Variants in PFKFB2 observed in about 807,000 individuals in gnomAD.
PFKFB2 encodes the protein 6-phosphofructo-2-kinase/fructose-2,6-bisphosphatase 2.
In PFKFB2, 53 loss-of-function variants were observed where a neutral mutation model predicts 68.0. The ratio of observed to expected loss-of-function variants is 0.78; its 90% CI spans 0.63 to 0.98. PFKFB2 has a LOEUF of 0.98. Ranked by LOEUF, PFKFB2 falls within the 50% of genes least tolerant of loss-of-function variation. PFKFB2 has a pLI of 0.00. For missense variants in PFKFB2, 451 were observed against 642.0 expected, an observed-to-expected ratio of 0.70 and a Z score of 3.22; for synonymous variants, 222 against 227.6, an observed-to-expected ratio of 0.98 and a Z score of 0.22.
Position 207,065,353 on chromosome 1 carries a change from G to C in PFKFB2, c.632+193G>C, listed in dbSNP as rs1000795304. On this transcript the variant is annotated intron_variant, in intron 8 of 14. Coordinates refer to ENST00000367080, the MANE Select transcript of PFKFB2 (RefSeq NM_006212.2). The stretch of plus-strand genomic sequence containing the variant: ...TTGTACATGAAAAATTGAAGTGGTT[G>C]GTTTTGTTTTGTTTTGAGACAGGGT... 6 of 976,538 alleles carry C rather than the reference G, an allele frequency of 6.1e-6. No individual in the cohort carries two copies. In the African/African-American group the frequency reaches 1.1e-4, roughly 17 times the overall value. The allele number at this position is 976,538 out of a possible 1,614,324, so 60.5% of individuals were successfully genotyped here. A position where few individuals can be genotyped will look rare whatever the true frequency, so the allele number is the denominator to read the frequency against.
intron 8 of PFKFB2, chr1:207,065,442 CG>C (rs1683257006): frequency 3.2e-6 from 1 of 310,118 alleles, no homozygotes; most frequent in Non-Finnish European, 4.7e-6. Flanking sequence ...CTGCTGCCCC[CG>C]GGGCTCAGGT....
At chr1:207,051,172 C>G (rs1403353477), upstream of PFKFB2, 3 of 1,405,794 alleles carry the variant, frequency 2.1e-6, no homozygotes, top group African/African-American at 1.5e-5. Context: ...CTCCGTATTC[C>G]TAAAGGACAA....
chr1:207,049,180 T>C (rs1682670202), upstream of PFKFB2: 1 of 1,614,120 alleles, frequency 6.2e-7, no homozygotes, highest in Non-Finnish European at 8.5e-7. Flanking sequence ...TTCCAGTGCT[T>C]GTACAAGAAC....
At position 207,072,653 on chromosome 1, in the gene PFKFB2, A is replaced by C; in HGVS notation, c.*282A>C. The C allele has an allele frequency of 1.7e-6, 2 of 1,205,440 alleles. No homozygotes were observed. The highest frequency in any genetic ancestry group is 2.1e-6 in the Non-Finnish European group (2 of 966,956). The allele number at this position is 1,205,440 out of a possible 1,614,324, so 74.7% of individuals were successfully genotyped here. On this transcript the variant is annotated 3_prime_UTR_variant, in exon 15 of 15. Coordinates refer to ENST00000367080, the MANE Select transcript of PFKFB2 (RefSeq NM_006212.2). ...GGGATGATCTGGAGGAGGAGGAAAAAGATACACTCCCTTGGGGCTGAGCAT... is the reference window on the plus strand; with the variant it reads ...GGGATGATCTGGAGGAGGAGGAAAACGATACACTCCCTTGGGGCTGAGCAT...
chr1:207,053,093 T>A (rs903000920), upstream of PFKFB2: 2 of 152,260 alleles, frequency 1.3e-5, no homozygotes, highest in Non-Finnish European at 1.5e-5. Context: ...ACTCAGGAGC[T>A]TGTGATCTCT....
chr1:207,071,460 T>C lies in PFKFB2; in HGVS notation c.1286-49T>C, dbSNP rs17020177. 0.01 allele frequency: 15,318 copies of C among 1,488,784 alleles called. 1,183 individuals carry two copies. In the African/African-American group the frequency reaches 0.18, roughly 17 times the overall value. The allele number at this position is 1,488,784 out of a possible 1,614,324, so 92.2% of individuals were successfully genotyped here. A position where few individuals can be genotyped will look rare whatever the true frequency, so the allele number is the denominator to read the frequency against. On this transcript the variant is annotated intron_variant, in intron 13 of 14. Transcript: ENST00000367080. ...TATACTTTCCCATAACTAAGGAATT[T>C]TCCATTGAACCTTTTTCTTTAAGTC...
At chr1:207,035,361 G>A (rs1258134277) in intron 1 of PFKFB2, among the ~76,000 whole-genome samples, 1 of 152,208 alleles carries the variant, frequency 6.6e-6, no homozygotes, top group East Asian at 1.9e-4. Context: ...AATTTATAAA[G>A]AAAAGAGGTT....
chr1:207,072,654 G>C lies in PFKFB2; in HGVS notation c.*283G>C. On this transcript the variant is annotated 3_prime_UTR_variant, in exon 15 of 15. Coordinates refer to ENST00000367080, the MANE Select transcript of PFKFB2 (RefSeq NM_006212.2). Reference sequence around the variant, plus strand: ...GGATGATCTGGAGGAGGAGGAAAAAGATACACTCCCTTGGGGCTGAGCATG... The same window carrying C: ...GGATGATCTGGAGGAGGAGGAAAAACATACACTCCCTTGGGGCTGAGCATG... 2 of 1,204,042 alleles carry C rather than the reference G, an allele frequency of 1.7e-6. No individual in the cohort carries two copies. Among genetic ancestry groups the C allele is most frequent in the East Asian group, 4.1e-5 (1 of 24,140 alleles). The allele number at this position is 1,204,042 out of a possible 1,614,324, so 74.6% of individuals were successfully genotyped here. A position where few individuals can be genotyped will look rare whatever the true frequency, so the allele number is the denominator to read the frequency against.
At chr1:207,056,278 GA>G (rs1478186219) in intron 2 of PFKFB2, among the ~76,000 whole-genome samples, 1 of 151,700 alleles carries the variant, frequency 6.6e-6, no homozygotes, top group Non-Finnish European at 1.5e-5. Context: ...TGCTGTATTG[GA>G]AGCTCACTAT....
chr1:207,038,203 A>C (rs1015712517), intron 1 of PFKFB2, among the ~76,000 whole-genome samples: 2 of 152,180 alleles, frequency 1.3e-5, no homozygotes, highest in Non-Finnish European at 2.9e-5. Context: ...TCACATGTTC[A>C]TTCATTCAAC....
intron 2 of PFKFB2, among the ~76,000 whole-genome samples, chr1:207,055,758 G>A (rs925376001): frequency 1.2e-4 from 19 of 152,128 alleles, no homozygotes; most frequent in Non-Finnish European, 2.4e-4. Context: ...TTTTCCCAGA[G>A]CCTCGACCTT....
At chr1:207,048,812 G>A (rs1402651757), upstream of PFKFB2, 6 of 564,418 alleles carry the variant, frequency 1.1e-5, no homozygotes, top group Non-Finnish European at 1.9e-5. Flanking sequence ...AGGCATGTAT[G>A]TACAGTTTAC....
rs1683625939 is a variant in PFKFB2, at chr1:207,076,474, C to T, written c.*4103C>T. ...TACCCAGCTTTTCTATGTATTTTGA[C>T]TTATTGAAAATATGTAACAACTGAG... is the stretch of plus-strand genomic sequence containing the variant. On this transcript the variant is annotated 3_prime_UTR_variant, in exon 15 of 15. Transcript: ENST00000367080. 1 of 985,178 alleles carries T rather than the reference C, an allele frequency of 1.0e-6. No individual in the cohort carries two copies. The highest frequency in any genetic ancestry group is 1.2e-6 in the Non-Finnish European group (1 of 829,860). The allele number at this position is 985,178 out of a possible 1,614,324, so 61.0% of individuals were successfully genotyped here.
upstream of PFKFB2, among the ~76,000 whole-genome samples, chr1:207,050,227 T>C (rs3123022): frequency 6.6e-6 from 1 of 152,120 alleles, no homozygotes; most frequent in African/African-American, 2.4e-5. Flanking sequence ...CAGTGGGTGT[T>C]TTAAAAGCTA....
upstream of PFKFB2, chr1:207,051,048 G>T (rs749417164): frequency 2.0e-6 from 3 of 1,486,282 alleles, no homozygotes; most frequent in East Asian, 2.5e-5. Flanking sequence ...AGTTGCGGGT[G>T]GTTGCAGTTA....
At chr1:207,061,121 A>ATATCTT (rs1683087056) in intron 2 of PFKFB2, among the ~76,000 whole-genome samples, 1 of 87,612 alleles carries the variant, frequency 1.1e-5, no homozygotes, top group African/African-American at 4.4e-5. Context: ...ATATATCTTT[A>ATATCTT]TATATATCTT....
intron 3 of PFKFB2, 60 bp downstream of exon 3, chr1:207,062,138 TG>T: frequency 1.2e-6 from 2 of 1,608,304 alleles, no homozygotes; most frequent in Non-Finnish European, 1.7e-6. Flanking sequence ...CACAGGTCTC[TG>T]GGAGACTTAT....
At chr1:207,042,593 C>T (rs897544530) in intron 2 of PFKFB2, among the ~76,000 whole-genome samples, 7 of 127,566 alleles carry the variant, frequency 5.5e-5, no homozygotes, top group African/African-American at 2.0e-4. Context: ...ACTATTGCTT[C>T]CTTTTTCCTG....
intron 2 of PFKFB2, among the ~76,000 whole-genome samples, chr1:207,058,738 AC>A (rs1378393773): frequency 6.6e-6 from 1 of 152,152 alleles, no homozygotes; most frequent in Non-Finnish European, 1.5e-5. Flanking sequence ...CAGGCGATCC[AC>A]CCAACTTGGC....
Sources: allele counts gnomAD v4.1 joint callset (sites outside exome capture counted in the v4.1 genomes callset), GRCh38; gene constraint gnomAD v4.1.1; transcripts MANE v1.5; gene names NCBI Gene and HGNC (gene_info 2026-07-23, HGNC 2026-07-21).